The following ADGRG4 variants were observed in gnomAD, a reference collection of about 807,000 sequenced individuals.
The protein encoded by ADGRG4 is adhesion G protein-coupled receptor G4.
In ADGRG4, 122 loss-of-function variants were observed where a neutral mutation model predicts 126.2. The observed-to-expected ratio is 0.97, with a 90% CI of 0.83 to 1.12. The LOEUF (loss-of-function observed/expected upper bound fraction) is 1.12. ADGRG4 is among the 50% of genes most tolerant of loss of function. The pLI, the probability that ADGRG4 is intolerant of heterozygous loss-of-function variation, is 0.00. For synonymous variants in ADGRG4, 943 were observed against 838.7 expected (o/e 1.12, Z -2.15); for missense variants, 2,481 against 2,251.8 (o/e 1.10, Z -2.06).
At chrX:136,365,627 C>A (rs2075154040) in intron 13 of ADGRG4, among the ~76,000 whole-genome samples, 1 of 111,752 alleles carries the variant, frequency 8.9e-6, no homozygotes, top group Admixed American at 9.5e-5. Flanking sequence ...CTATGATTAG[C>A]TTTTTGAGGA....
intron 5 of ADGRG4, among the ~76,000 whole-genome samples, chrX:136,337,510 T>C (rs2074954891): frequency 1.8e-5 from 2 of 112,666 alleles, no homozygotes; most frequent in South Asian, 7.2e-4. Flanking sequence ...CAAGGTATCT[T>C]AATTTTCCTT....
chrX:136,397,769 T>C, intron 19 of ADGRG4, 112 bp from the exon 20 acceptor site: 1 of 724,017 alleles, frequency 1.4e-6, no homozygotes, highest in Non-Finnish European at 2.1e-6. Context: ...TTAGAAGAGC[T>C]ATGGCAGAAA....
At chrX:136,320,488 C>A (rs2074833103) in intron 4 of ADGRG4, among the ~76,000 whole-genome samples, 3 of 112,213 alleles carry the variant, frequency 2.7e-5, no homozygotes, top group Admixed American at 9.5e-5. Flanking sequence ...ACCAAGTAGG[C>A]AAAAATGGTG....
In ADGRG4 at chrX:136,414,283, T is replaced by C; in HGVS notation, c.9161T>C (p.Leu3054Ser). ...GCAACTAGCTCCACTTTCAAATCTT[T>C]AGGCTCTGCACAAGGCACACCTTCA... Reference protein sequence around the residue: ...STATSSTFKSLGSAQGTPSEI... With the variant: ...STATSSTFKSSGSAQGTPSEI... The change falls in exon 25 of 26, where the codon TTA becomes TCA. Residue 3054 changes from leucine (L) to serine (S), a missense_variant. By Grantham distance (145) the Leu-to-Ser change is moderately radical (BLOSUM62 -2). Transcript: ENST00000394143. 1 of 1,209,291 alleles carries C rather than the reference T, an allele frequency of 8.3e-7. No individual in the cohort carries two copies. Among genetic ancestry groups the C allele is most frequent in the African/African-American group, 1.7e-5 (1 of 57,785 alleles).
At chrX:136,382,878 T>C (rs1398721274) in intron 15 of ADGRG4, among the ~76,000 whole-genome samples, 1 of 109,877 alleles carries the variant, frequency 9.1e-6, no homozygotes, top group Non-Finnish European at 1.9e-5. Context: ...GTGGCAGCGT[T>C]CCTCCCTCTG....
chrX:136,383,844 T>TTCTTTCTTTCTG (rs2075276932), intron 15 of ADGRG4, among the ~76,000 whole-genome samples: 2 of 93,056 alleles, frequency 2.1e-5, no homozygotes, highest in African/African-American at 7.8e-5. Context: ...CTTTCTTTCT[T>TTCTTTCTTTCTG]TCTTTCTTTC....
In ADGRG4 at chrX:136,345,794, A is replaced by G. The variant is rs776147412; in HGVS notation, c.2088A>G (p.Leu696=). ...FHENTTYTEY[L]SATTNITPLK... ...AGAATACTACTTATACAGAATATTT[A>G]TCCGCAACTACCAATATCACCCCAC... The change falls in exon 6 of 26, where the codon TTA becomes TTG. Residue 696 remains leucine (L), a synonymous_variant. Coordinates refer to ENST00000394143, the MANE Select transcript of ADGRG4 (RefSeq NM_153834.4). 137 of 1,208,648 alleles carry G rather than the reference A, an allele frequency of 1.1e-4. No homozygotes were observed. The South Asian group carries it at 1.5e-3, about 14-fold the overall frequency.
At chrX:136,367,992 T>G (rs990989322) in intron 13 of ADGRG4, among the ~76,000 whole-genome samples, 2 of 112,019 alleles carry the variant, frequency 1.8e-5, no homozygotes, top group Middle Eastern at 4.6e-3. Flanking sequence ...TTCAGAAAAC[T>G]TTTTCCTGTC....
intron 15 of ADGRG4, among the ~76,000 whole-genome samples, chrX:136,376,551 T>A (rs1160837598): frequency 1.8e-5 from 2 of 111,953 alleles, no homozygotes; most frequent in East Asian, 5.5e-4. Context: ...GTTTGTGTCA[T>A]CTATGATTTC....
chrX:136,338,824 T>A lies in ADGRG4; in HGVS notation c.686-5568T>A, dbSNP rs778126495. Among the ~76,000 whole-genome samples the A allele has an allele frequency of 1.7e-4, 19 of 112,476 alleles. No homozygotes were observed. The South Asian group carries it at 2.6e-3, about 15-fold the overall frequency. ...CAATTAGGAGATTCTGGGTCTTTTT[T>A]AAATCTTTTATTTTAGCAGTCAGTC... On this transcript the variant is annotated intron_variant, in intron 5 of 25. Transcript: ENST00000394143.
intron 1 of ADGRG4, among the ~76,000 whole-genome samples, chrX:136,301,235 C>G (rs1452474552): frequency 1.8e-5 from 2 of 112,153 alleles, no homozygotes; most frequent in Admixed American, 1.9e-4. Flanking sequence ...TCTCCACATC[C>G]TCTCCAGCAC....
In ADGRG4 at chrX:136,387,763, G is replaced by A; in HGVS notation, c.7800G>A (p.Val2600=). 8.3e-7 allele frequency: 1 copy of A among 1,207,977 alleles called. No homozygotes were observed. The change falls in exon 16 of 26, where the codon GTG becomes GTA. Residue 2600 remains valine, a synonymous_variant. Coordinates refer to ENST00000394143, the MANE Select transcript of ADGRG4 (RefSeq NM_153834.4). ...DPEIFLGNVP[V]GGILASIYLP... ...AGATTTTCCTAGGCAATGTCCCTGT[G>A]GGAGGGATTTTGGCTTCCATATATT...
chrX:136,373,035 C>T lies in ADGRG4; in HGVS notation c.7747C>T (p.His2583Tyr). The change falls in exon 15 of 26, where the codon CAC becomes TAC. Residue 2583 changes from histidine (H) to tyrosine (Y), a missense_variant. Physicochemically the swap from His to Tyr is moderately conservative, Grantham distance 83. Coordinates refer to ENST00000394143, the MANE Select transcript of ADGRG4 (RefSeq NM_153834.4). ...GTTTGATGGCATGGCTTTCAGCATT[C>T]ACTCCTATGAAGAAGGCACAGACCC... ...HTFDGMAFSI[H>Y]SYEEGTDPEI... 1 of 1,209,709 alleles carries T rather than the reference C, an allele frequency of 8.3e-7. No individual in the cohort carries two copies.
Position 136,348,355 on chromosome X carries a change from G to T in ADGRG4, c.4649G>T (p.Ser1550Ile). The T allele has an allele frequency of 8.3e-7, 1 of 1,210,492 alleles. No individual in the cohort carries two copies. Among genetic ancestry groups the T allele is most frequent in the Non-Finnish European group, 1.1e-6 (1 of 894,622 alleles). Residue 1550 changes from serine (S) to isoleucine (I), a missense_variant, in exon 6 of 26, where the codon AGT (serine) becomes ATT (isoleucine). Transcript: ENST00000394143. ...SKTMHPGCLKSPCTATSGPMS... is the reference protein window; with the variant it reads ...SKTMHPGCLKIPCTATSGPMS... ...ACAATGCATCCAGGTTGTTTGAAAA[G>T]TCCCTGTACAGCCACTTCTGGGCCT...
chrX:136,397,710 C>T (rs1041750907), intron 19 of ADGRG4, among the ~76,000 whole-genome samples, 171 bp from the exon 20 acceptor site: 1 of 111,369 alleles, frequency 9.0e-6, no homozygotes, highest in African/African-American at 3.3e-5. Context: ...TAGGCATACT[C>T]AGCAAACAAT....
At chrX:136,406,234 A>T (rs2075409261) in intron 23 of ADGRG4, among the ~76,000 whole-genome samples, 1 of 112,647 alleles carries the variant, frequency 8.9e-6, no homozygotes, top group South Asian at 3.7e-4. Flanking sequence ...ATTGTGCTAG[A>T]AAATGTACAG....
At chrX:136,396,544 G>A (rs1347278207) in intron 19 of ADGRG4, among the ~76,000 whole-genome samples, 1 of 99,129 alleles carries the variant, frequency 1.0e-5, no homozygotes, top group Non-Finnish European at 2.0e-5. Flanking sequence ...GCAGTAGGCC[G>A]TGGTCAGGCC....
intron 23 of ADGRG4, among the ~76,000 whole-genome samples, chrX:136,411,642 G>A (rs2075446896): frequency 8.9e-6 from 1 of 112,782 alleles, no homozygotes; most frequent in East Asian, 2.8e-4. Context: ...AGGAATTCAG[G>A]GGCAGCTTAG....
At chrX:136,353,199 AACTT>A in intron 7 of ADGRG4, 134 bp from the exon 8 acceptor site, 1 of 481,600 alleles carries the variant, frequency 2.1e-6, no homozygotes, top group Non-Finnish European at 3.6e-6. Flanking sequence ...TAAATGGAAA[AACTT>A]AATGGAGCAG....
Sources: gnomAD v4.1 joint callset for allele counts (sites outside exome capture counted in the v4.1 genomes callset) on GRCh38, gnomAD v4.1.1 for gene constraint, MANE v1.5 for transcripts, NCBI Gene and HGNC (gene_info 2026-07-23, HGNC 2026-07-21) for gene names.